Variants in HELZ2 observed in about 807,000 individuals in gnomAD.
The protein encoded by HELZ2 is helicase with zinc finger 2, also known as 3'-5' exoribonuclease HELZ2.
In HELZ2, 143 loss-of-function variants were observed where a neutral mutation model predicts 208.8. The observed-to-expected ratio is 0.68, with a 90% CI of 0.60 to 0.79. The LOEUF is 0.79. Among genes scored for constraint, HELZ2 ranks in the 30% least tolerant of loss-of-function variants. HELZ2 has a pLI of 0.00. For missense variants in HELZ2, 3,690 were observed against 3,794.5 expected (o/e 0.97, Z 0.72); for synonymous variants, 1,705 against 1,693.7 (o/e 1.01, Z -0.16).
chr20:63,567,888 C>T lies in HELZ2; in HGVS notation c.1731-261G>A. The T allele has an allele frequency of 1.0e-5, 7 of 676,046 alleles. No individual in the cohort carries two copies. In the South Asian group the frequency reaches 1.4e-4, roughly 14 times the overall value. The allele number at this position is 676,046 out of a possible 1,614,324, so 41.9% of individuals were successfully genotyped here. The stretch of plus-strand genomic sequence containing the variant: ...GCACCTCCCTGGTCCCCAGAACCCC[C>T]AATCCAGAAATCAGCCCGGGACGTA... On this transcript the variant is annotated intron_variant, in intron 5 of 18. Coordinates refer to ENST00000467148, the Ensembl canonical transcript of HELZ2.
intron 3 of HELZ2, chr20:63,569,985 T>A: frequency 4.1e-6 from 2 of 487,886 alleles, no homozygotes; most frequent in Non-Finnish European, 7.4e-6. Flanking sequence ...GTTTCACTCT[T>A]GTCGCCAGGC....
chr20:63,568,241 C>A, intron 5 of HELZ2, 117 bp downstream of exon 6: 1 of 801,910 alleles, frequency 1.2e-6, no homozygotes, highest in Non-Finnish European at 2.0e-6. Context: ...CAAAGCTGGT[C>A]GGCTACAGGG....
At chr20:63,566,006 T>C (rs1418153140) in exon 8 of HELZ2, 1 of 1,597,404 alleles carries the variant, frequency 6.3e-7, no homozygotes, top group African/African-American at 1.3e-5. Flanking sequence ...GCAGACACTG[T>C]GCCGCTCCAC....
At position 63,562,051 on chromosome 20, in the gene HELZ2, C is replaced by T. The variant is rs536429293; in HGVS notation, c.6529+21G>A. The stretch of plus-strand genomic sequence containing the variant: ...CCCTGTGGCCCAAGGCAGCCTGCGG[C>T]TCCCCCGGCATGGGCCCTACCTGGT... On this transcript the variant is annotated intron_variant, in intron 10 of 18. Coordinates refer to ENST00000467148, the Ensembl canonical transcript of HELZ2. The T allele has an allele frequency of 5.0e-5, 79 of 1,593,550 alleles. 1 individual carries two copies. In the East Asian group the frequency reaches 1.8e-3, roughly 35 times the overall value.
exon 8 of HELZ2, chr20:63,563,173 C>T: frequency 6.3e-7 from 1 of 1,592,628 alleles, no homozygotes; most frequent in Non-Finnish European, 8.5e-7. Flanking sequence ...GCTGCACCTG[C>T]AGGGTGTCCC....
In HELZ2 at chr20:63,560,827, C is replaced by T. The variant is rs759310462; in HGVS notation, c.7249G>A (p.Asp2417Asn). The stretch of plus-strand genomic sequence containing the variant: ...TACTGAGTGTCCAGCATATGTGCGT[C>T]CTCGTGGTACCGCTCGAACAGAGAC... Residue 2417 changes from aspartate (D) to asparagine (N), a missense_variant, in exon 15 of 19, where the codon GAC (aspartate) becomes AAC (asparagine). By Grantham distance (23) the Asp-to-Asn change is conservative. Transcript: ENST00000467148. 1.4e-5 allele frequency: 22 copies of T among 1,613,056 alleles called. No individual in the cohort carries two copies. In the East Asian group the frequency reaches 4.9e-4, roughly 36 times the overall value.
At chr20:63,562,452 C>T (rs554761082) in intron 8 of HELZ2, 68 bp downstream of exon 9, 13 of 1,523,978 alleles carry the variant, frequency 8.5e-6, no homozygotes, top group East Asian at 2.4e-5. Context: ...CCACGAGCTC[C>T]CCCCTCCTGC....
At chr20:63,564,606 T>C in exon 8 of HELZ2, 1 of 1,568,416 alleles carries the variant, frequency 6.4e-7, no homozygotes, top group East Asian at 2.4e-5. Context: ...GCCGGCAGCA[T>C]GGGCACTGGC....
chr20:63,564,133 G>C (rs2082921007), exon 8 of HELZ2: 1 of 1,611,900 alleles, frequency 6.2e-7, no homozygotes, highest in Non-Finnish European at 8.5e-7. Context: ...ACAGGGCCTT[G>C]AGCTGCTGGC....
At position 63,564,980 on chromosome 20, in the gene HELZ2, C is replaced by T. The variant is rs913585005; in HGVS notation, c.3842G>A (p.Gly1281Asp). The change falls in exon 8 of 19, where the codon GGC becomes GAC. Residue 1281 changes from glycine (G) to aspartate (D), a missense_variant. Physicochemically the swap from Gly to Asp is moderately conservative, Grantham distance 94. Coordinates refer to ENST00000467148, the Ensembl canonical transcript of HELZ2. ...CTCAGGCAGCACCTCCCGGACGATG[C>T]CCAGCGGGTAGTAGAAGCCTTGCCG... is the stretch of plus-strand genomic sequence containing the variant. 3.1e-6 allele frequency: 5 copies of T among 1,602,682 alleles called. No homozygotes were observed. In the African/African-American group the frequency reaches 5.4e-5, roughly 17 times the overall value.
exon 6 of HELZ2, chr20:63,566,944 G>T (rs192208869): frequency 1.9e-6 from 3 of 1,610,780 alleles, no homozygotes; most frequent in East Asian, 2.2e-5. Context: ...GACGACCTGC[G>T]CAATCTCAGC....
chr20:63,566,936 C>T (rs373885864), exon 6 of HELZ2: 25 of 1,610,556 alleles, frequency 1.6e-5, no homozygotes, highest in Middle Eastern at 1.6e-4. Flanking sequence ...ACCTTCTCGA[C>T]GACCTGCGCA....
chr20:63,571,054 C>T (rs535700112), intron 1 of HELZ2, 186 bp from the exon 3 acceptor site: 22 of 553,886 alleles, frequency 4.0e-5, no homozygotes, highest in South Asian at 2.2e-4. Flanking sequence ...CTCCCTTATC[C>T]GGGTCCTCAG....
upstream of HELZ2, chr20:63,572,594 A>T (rs1479977272): frequency 3.6e-6 from 2 of 561,704 alleles, no homozygotes; most frequent in Non-Finnish European, 6.2e-6. Flanking sequence ...CTGGGGGTCC[A>T]CGCGACAGAT....
chr20:63,558,857 T>C (rs1243136768), downstream of HELZ2: 2 of 161,714 alleles, frequency 1.2e-5, no homozygotes, highest in African/African-American at 4.8e-5. Flanking sequence ...TTTTAGTTCA[T>C]TTAAATAGAA....
intron 5 of HELZ2, 119 bp downstream of exon 6, chr20:63,568,239 G>C: frequency 1.3e-6 from 1 of 796,944 alleles, no homozygotes; most frequent in South Asian, 1.6e-5. Context: ...CCCAAAGCTG[G>C]TCGGCTACAG....
In HELZ2 at chr20:63,569,455, G is replaced by GCC; in HGVS notation, c.779_780dup (p.Pro261GlyfsTer55). The stretch of plus-strand genomic sequence containing the variant: ...AGCCCCAGCTTTTGTAGCAGCACCG[G>GCC]CCGGCGGCCAAAGTCGAAGACCACC... On this transcript the variant is annotated frameshift_variant, in exon 4 of 19. Transcript: ENST00000467148. LOFTEE classifies it high-confidence loss of function. 6.2e-7 allele frequency: 1 copy of GCC among 1,609,796 alleles called. No individual in the cohort carries two copies. Among genetic ancestry groups the GCC allele is most frequent in the South Asian group, 1.1e-5 (1 of 90,910 alleles).
chr20:63,560,423 A>G, intron 16 of HELZ2, 56 bp downstream of exon 17: 1 of 1,594,444 alleles, frequency 6.3e-7, no homozygotes, highest in South Asian at 1.1e-5. Flanking sequence ...GACACTCACC[A>G]CCTCAGCCAC....
chr20:63,561,522 C>G, intron 12 of HELZ2, 56 bp from the exon 14 acceptor site: 1 of 1,575,780 alleles, frequency 6.3e-7, no homozygotes, highest in Non-Finnish European at 8.6e-7. Flanking sequence ...GGGGGCAGAG[C>G]TCAGTGAGAC....
Sources: allele counts gnomAD v4.1 joint callset, GRCh38; gene constraint gnomAD v4.1.1; transcripts MANE v1.5; gene names NCBI Gene and HGNC (gene_info 2026-07-23, HGNC 2026-07-21).